CPNE8: variants seen among roughly 807,000 people sequenced by gnomAD.
CPNE8 encodes copine-8.
CPNE8 carries 45 observed loss-of-function variants against 81.5 expected under a neutral mutation model. The observed-to-expected ratio is 0.55, with a 90% confidence interval of 0.44 to 0.71. CPNE8 has a LOEUF of 0.71. Ranked by LOEUF, CPNE8 falls within the 30% of genes least tolerant of loss-of-function variation. CPNE8 has a pLI of 0.00. For synonymous variants in CPNE8, 252 were observed against 226.3 expected (o/e 1.11, Z -1.02); for missense variants, 594 against 672.1 (o/e 0.88, Z 1.28).
intron 3 of CPNE8, among the ~76,000 whole-genome samples, chr12:38,870,821 AAAATAAAAATTT>A (rs1441662603): frequency 6.6e-6 from 1 of 151,200 alleles, no homozygotes; most frequent in African/African-American, 2.4e-5. Flanking sequence ...AATAAAAATA[AAAATAAAAATTT>A]AAATAATTTA....
intron 6 of CPNE8, among the ~76,000 whole-genome samples, chr12:38,803,666 G>C (rs1234822831): frequency 6.7e-6 from 1 of 149,404 alleles, no homozygotes; most frequent in Non-Finnish European, 1.5e-5. Context: ...AGGGCAATCA[G>C]GCAGGAGAAG....
At chr12:38,708,362 C>T (rs1210493999) in intron 13 of CPNE8, among the ~76,000 whole-genome samples, 2 of 139,698 alleles carry the variant, frequency 1.4e-5, no homozygotes, top group African/African-American at 2.5e-5. Flanking sequence ...AAAAAAAAAT[C>T]AATCGTGTCA....
intron 19 of CPNE8, among the ~76,000 whole-genome samples, chr12:38,670,506 T>G (rs1162546048): frequency 3.9e-5 from 6 of 152,142 alleles, no homozygotes; most frequent in South Asian, 4.1e-4. Context: ...CTAACCATAA[T>G]GTATGAGGGA....
At chr12:38,784,148 A>G (rs999708883) in intron 6 of CPNE8, among the ~76,000 whole-genome samples, 5 of 152,222 alleles carry the variant, frequency 3.3e-5, no homozygotes, top group Non-Finnish European at 5.9e-5. Flanking sequence ...ATTCTATCAA[A>G]TAAATGTAAC....
intron 3 of CPNE8, among the ~76,000 whole-genome samples, chr12:38,857,717 C>G (rs1748610474): frequency 6.6e-6 from 1 of 152,096 alleles, no homozygotes; most frequent in Non-Finnish European, 1.5e-5. Flanking sequence ...TCAAGACCAG[C>G]CTGGCCAACA....
At chr12:38,785,809 T>C (rs944974220) in intron 6 of CPNE8, among the ~76,000 whole-genome samples, 4 of 152,080 alleles carry the variant, frequency 2.6e-5, no homozygotes, top group African/African-American at 4.8e-5. Context: ...GCTTACTTCC[T>C]TGTTTATGCA....
chr12:38,849,798 CAAT>C (rs145986481), intron 3 of CPNE8, among the ~76,000 whole-genome samples: 11,829 of 152,186 alleles, frequency 0.078, 646 homozygotes, highest in Non-Finnish European at 0.13. Flanking sequence ...TTACTTTAAA[CAAT>C]AATATCAATT....
At position 38,678,324 on chromosome 12, in the gene CPNE8, T is replaced by G. The variant is rs528473788; in HGVS notation, c.1272-770A>C. 2.6e-5 allele frequency among the ~76,000 whole-genome samples: 4 copies of G among 152,186 alleles called. No individual in the cohort carries two copies. The South Asian group carries it at 6.2e-4, about 24-fold the overall frequency. Reference sequence around the variant, plus strand: ...CTCAGTAATTTAGAGGGGAATTTTATGAATATGTTACATTTCATTACATTT... The same window carrying G: ...CTCAGTAATTTAGAGGGGAATTTTAGGAATATGTTACATTTCATTACATTT... On this transcript the variant is annotated intron_variant, in intron 16 of 19. Coordinates refer to ENST00000331366, the MANE Select transcript of CPNE8 (RefSeq NM_153634.3).
chr12:38,691,948 G>T (rs930730221), intron 15 of CPNE8, among the ~76,000 whole-genome samples: 4 of 152,154 alleles, frequency 2.6e-5, no homozygotes, highest in Non-Finnish European at 5.9e-5. Context: ...GGAGAGGACA[G>T]ACTGAAACCA....
At chr12:38,761,931 C>A (rs1455624410) in intron 9 of CPNE8, among the ~76,000 whole-genome samples, 181 bp downstream of exon 9, 1 of 152,120 alleles carries the variant, frequency 6.6e-6, no homozygotes, top group Non-Finnish European at 1.5e-5. Context: ...TCTGAAATAA[C>A]TTTTGAATAA....
intron 3 of CPNE8, among the ~76,000 whole-genome samples, chr12:38,871,947 C>T (rs1056689048): frequency 6.6e-6 from 1 of 152,204 alleles, no homozygotes; most frequent in South Asian, 2.1e-4. Flanking sequence ...ACTAGCCTGA[C>T]CAACATGGAG....
At chr12:38,681,527 G>C (rs952865094) in intron 16 of CPNE8, among the ~76,000 whole-genome samples, 1 of 152,122 alleles carries the variant, frequency 6.6e-6, no homozygotes, top group African/African-American at 2.4e-5. Context: ...TGATGCTTAT[G>C]TGTCAACTAG....
At chr12:38,880,824 T>A (rs1944141703) in intron 1 of CPNE8, among the ~76,000 whole-genome samples, 1 of 152,052 alleles carries the variant, frequency 6.6e-6, no homozygotes, top group Non-Finnish European at 1.5e-5. Flanking sequence ...AAATTTAACA[T>A]AACACACTTC....
chr12:38,808,785 T>A (rs1443069115), intron 6 of CPNE8, among the ~76,000 whole-genome samples: 4 of 151,246 alleles, frequency 2.6e-5, no homozygotes, highest in African/African-American at 4.9e-5. Flanking sequence ...AAAGACTATA[T>A]AAAAAAATGC....
chr12:38,722,957 G>A (rs931250901), intron 13 of CPNE8, among the ~76,000 whole-genome samples: 14 of 152,152 alleles, frequency 9.2e-5, no homozygotes, highest in Admixed American at 6.5e-4. Flanking sequence ...GCACTCTCTC[G>A]CCTGCTGCCA....
intron 10 of CPNE8, among the ~76,000 whole-genome samples, chr12:38,760,599 T>C (rs1417319802): frequency 6.6e-6 from 1 of 151,944 alleles, no homozygotes; most frequent in East Asian, 1.9e-4. Flanking sequence ...AAACTAGACA[T>C]CTATAATCAT....
intron 5 of CPNE8, among the ~76,000 whole-genome samples, chr12:38,831,058 C>T (rs886290217): frequency 6.6e-6 from 1 of 152,126 alleles, no homozygotes; most frequent in African/African-American, 2.4e-5. Flanking sequence ...TATCTGTAGA[C>T]TAGCATAGTC....
intron 10 of CPNE8, among the ~76,000 whole-genome samples, chr12:38,758,245 G>A (rs111601938): frequency 4.0e-5 from 6 of 151,676 alleles, no homozygotes; most frequent in African/African-American, 4.8e-5. Context: ...TCCTTTCAAC[G>A]TCTGTTAGGA....
chr12:38,788,111 A>G (rs537507600), intron 6 of CPNE8, among the ~76,000 whole-genome samples: 1 of 152,060 alleles, frequency 6.6e-6, no homozygotes, highest in South Asian at 2.1e-4. Flanking sequence ...AACTCATTCT[A>G]CAAGGCCAAT....
Sources: allele counts gnomAD v4.1 joint callset (sites outside exome capture counted in the v4.1 genomes callset), GRCh38; gene constraint gnomAD v4.1.1; transcripts MANE v1.5; gene names NCBI Gene and HGNC (gene_info 2026-07-23, HGNC 2026-07-21).